The following CDRT4 variants were observed in gnomAD, a reference collection of about 807,000 sequenced individuals.
CDRT4 encodes CMT1A duplicated region transcript 4 protein.
For synonymous variants in CDRT4, 64 were observed against 69.6 expected (o/e 0.92, Z 0.40); for missense variants, 167 against 193.1 (o/e 0.87, Z 0.80).
At chr17:15,451,001 C>G (rs1471296003) in intron 2 of CDRT4, among the ~76,000 whole-genome samples, 1 of 152,186 alleles carries the variant, frequency 6.6e-6, no homozygotes, top group African/African-American at 2.4e-5. Context: ...CTACTGGTCT[C>G]CCTGCTTCCA....
intron 2 of CDRT4, among the ~76,000 whole-genome samples, chr17:15,446,302 G>C (rs957315926): frequency 6.6e-6 from 1 of 151,926 alleles, no homozygotes; most frequent in Admixed American, 6.6e-5. Flanking sequence ...TCTTTACCCC[G>C]CCCCTATCCC....
chr17:15,438,268 T>C, intron 3 of CDRT4, 68 bp from the exon 4 acceptor site: 2 of 1,510,326 alleles, frequency 1.3e-6, no homozygotes, highest in East Asian at 2.3e-5. Flanking sequence ...CTTCAAAAAA[T>C]GGGAAGGCAT....
intron 3 of CDRT4, among the ~76,000 whole-genome samples, chr17:15,439,527 T>C (rs1338972146): frequency 6.6e-6 from 1 of 152,132 alleles, no homozygotes; most frequent in East Asian, 1.9e-4. Flanking sequence ...TAAGATCTTG[T>C]GGGATAGGGC....
chr17:15,457,695 C>A (rs1979548138), intron 1 of CDRT4, among the ~76,000 whole-genome samples: 1 of 152,210 alleles, frequency 6.6e-6, no homozygotes, highest in Non-Finnish European at 1.5e-5. Flanking sequence ...GTGGAGCCAG[C>A]AGGGTCTGAG....
chr17:15,465,089 C>A (rs953653631), intron 1 of CDRT4, among the ~76,000 whole-genome samples: 9 of 144,938 alleles, frequency 6.2e-5, no homozygotes, highest in Non-Finnish European at 1.4e-4. Context: ...TACAGACACA[C>A]ACAACACAGA....
rs186616816 is a variant in CDRT4 at position 15,436,556 on chromosome 17, C to G, written c.*1217G>C. 1 of 152,362 alleles carries G rather than the reference C, an allele frequency of 6.6e-6. No individual in the cohort carries two copies. Among genetic ancestry groups the G allele is most frequent in the East Asian group, 1.9e-4 (1 of 5,178 alleles). 9.4% of individuals were successfully genotyped at this position (152,362 alleles called of 1,614,324 possible). ...AGCATAGCTCGCTTTGGGGCCAACT[C>G]AGAGCAAGGGTGAACCAATCCTAGC... is the stretch of plus-strand genomic sequence containing the variant. On this transcript the variant is annotated 3_prime_UTR_variant, in exon 4 of 4. Transcript: ENST00000619038.
intron 2 of CDRT4, among the ~76,000 whole-genome samples, chr17:15,449,256 A>G (rs1979161356): frequency 6.6e-6 from 1 of 152,232 alleles, no homozygotes; most frequent in Non-Finnish European, 1.5e-5. Context: ...TGTATTACCT[A>G]TAGTGACTAA....
chr17:15,458,518 G>A (rs953350032), intron 1 of CDRT4, among the ~76,000 whole-genome samples: 18 of 152,182 alleles, frequency 1.2e-4, no homozygotes, highest in African/African-American at 4.1e-4. Flanking sequence ...TCAGTAGCGG[G>A]GCTGCTGGGC....
chr17:15,439,140 G>A (rs1401188963), intron 3 of CDRT4: 7 of 456,190 alleles, frequency 1.5e-5, no homozygotes, highest in Admixed American at 1.4e-4. Context: ...CTCTCCTGCA[G>A]CTGCTACCTT....
At chr17:15,439,960 G>C (rs1978678093) in intron 3 of CDRT4, among the ~76,000 whole-genome samples, 1 of 151,910 alleles carries the variant, frequency 6.6e-6, no homozygotes, top group Non-Finnish European at 1.5e-5. Context: ...GAGGGGGGAG[G>C]GATAGCATTA....
At position 15,450,884 on chromosome 17, in the gene CDRT4, A is replaced by G. The variant is rs896625805; in HGVS notation, c.-48+2120T>C. Among the ~76,000 whole-genome samples the G allele has an allele frequency of 3.3e-5, 5 of 152,072 alleles. No homozygotes were observed. The highest frequency in any genetic ancestry group is 5.9e-5 in the Non-Finnish European group (4 of 68,024). On this transcript the variant is annotated intron_variant, in intron 2 of 3. Coordinates refer to ENST00000619038, the MANE Select transcript of CDRT4 (RefSeq NM_001204477.2). The surrounding 1 kb of genome is among the most constrained non-coding windows in gnomAD (Gnocchi z 4.2). ...CTAACATCTCTTTCTTCTTCATTCA[A>G]TATCTCCAGCCCATTATCCTCCCCA... is the stretch of plus-strand genomic sequence containing the variant.
chr17:15,453,010 T>C lies in CDRT4; in HGVS notation c.-54A>G, dbSNP rs1187921472. ...AAGGCCAGATTTGCTTAACTTGTTC[T>C]GATATCTTGCCTTCCTCTTCTCCCA... On this transcript the variant is annotated 5_prime_UTR_variant, in exon 2 of 4. Transcript: ENST00000619038. 1 of 152,232 alleles carries C rather than the reference T, an allele frequency of 6.6e-6. No individual in the cohort carries two copies. The highest frequency in any genetic ancestry group is 2.4e-5 in the African/African-American group (1 of 41,468). 9.4% of individuals were successfully genotyped at this position (152,232 alleles called of 1,614,324 possible).
Position 15,464,559 on chromosome 17 carries a change from T to C in CDRT4, c.-130+2901A>G, listed in dbSNP as rs1979907922. 6.6e-6 allele frequency among the ~76,000 whole-genome samples: 1 copy of C among 152,032 alleles called. No individual in the cohort carries two copies. The highest frequency in any genetic ancestry group is 6.5e-5 in the Admixed American group (1 of 15,268). The stretch of plus-strand genomic sequence containing the variant: ...CAAGTCCTGGGGTGGGGTTTCTGTG[T>C]CCTTTCCTGTGCCCTCACCCCAATC... On this transcript the variant is annotated intron_variant, in intron 1 of 3. Coordinates refer to ENST00000619038, the MANE Select transcript of CDRT4 (RefSeq NM_001204477.2). This position sits in a 1 kb window ranked among gnomAD's most constrained non-coding sequence, Gnocchi z 4.5.
At chr17:15,442,626 G>C (rs941868481) in intron 2 of CDRT4, among the ~76,000 whole-genome samples, 1 of 152,126 alleles carries the variant, frequency 6.6e-6, no homozygotes, top group Non-Finnish European at 1.5e-5. Flanking sequence ...GTGCATCTGT[G>C]TGACCCACCA....
At chr17:15,442,666 C>T (rs1428769793) in intron 2 of CDRT4, among the ~76,000 whole-genome samples, 1 of 152,136 alleles carries the variant, frequency 6.6e-6, no homozygotes, top group Non-Finnish European at 1.5e-5. Flanking sequence ...CCAGGACTCA[C>T]CTGACCCCTA....
At chr17:15,466,850 T>G (rs1980062917) in intron 1 of CDRT4, among the ~76,000 whole-genome samples, 1 of 152,234 alleles carries the variant, frequency 6.6e-6, no homozygotes, top group Non-Finnish European at 1.5e-5. Flanking sequence ...ATTACAAGCA[T>G]GATTAATTAT....
In CDRT4 at chr17:15,464,784, G is replaced by A. The variant is rs186105878; in HGVS notation, c.-130+2676C>T. On this transcript the variant is annotated intron_variant, in intron 1 of 3. Coordinates refer to ENST00000619038, the MANE Select transcript of CDRT4 (RefSeq NM_001204477.2). This position sits in a 1 kb window ranked among gnomAD's most constrained non-coding sequence, Gnocchi z 4.5. ...CTCTGCCAAAATCCCCCAGCGAATG[G>A]CCCATACCAGCGGTTGCTCTTTCAC... Among the ~76,000 whole-genome samples, 5 of 152,182 alleles carry A rather than the reference G, an allele frequency of 3.3e-5. No individual in the cohort carries two copies. Among genetic ancestry groups the A allele is most frequent in the African/African-American group, 1.2e-4 (5 of 41,498 alleles).
chr17:15,440,635 C>T (rs1978717771), intron 2 of CDRT4, among the ~76,000 whole-genome samples: 1 of 152,166 alleles, frequency 6.6e-6, no homozygotes, highest in East Asian at 1.9e-4. Context: ...GTTTCAAAAC[C>T]TTTCTATCTC....
chr17:15,463,048 A>G (rs1223515469), intron 1 of CDRT4, among the ~76,000 whole-genome samples: 1 of 152,130 alleles, frequency 6.6e-6, no homozygotes, highest in Non-Finnish European at 1.5e-5. Flanking sequence ...TGGAACAAAA[A>G]CTGCTAGAAG....
Sources: allele counts gnomAD v4.1 joint callset (sites outside exome capture counted in the v4.1 genomes callset), GRCh38; gene constraint gnomAD v4.1.1; non-coding constraint Gnocchi (gnomAD v3.1); transcripts MANE v1.5; gene names NCBI Gene and HGNC (gene_info 2026-07-23, HGNC 2026-07-21).